MACF1: variants seen among roughly 807,000 people sequenced by gnomAD.
MACF1 encodes the protein microtubule-actin cross-linking factor 1.
A neutral mutation model predicts 854.8 loss-of-function variants in MACF1; 193 were observed. The ratio of observed to expected loss-of-function variants is 0.23; its 90% confidence interval spans 0.20 to 0.25. The LOEUF (loss-of-function observed/expected upper bound fraction) is 0.25. MACF1 is among the 10% of genes least tolerant of loss of function. The pLI is 1.00. For missense variants in MACF1, 7,722 were observed against 8,929.1 expected (o/e 0.86, Z 5.45); for synonymous variants, 3,185 against 3,226.7 (o/e 0.99, Z 0.44).
intron 40 of MACF1, among the ~76,000 whole-genome samples, chr1:39,341,685 C>T (rs1342721181): frequency 6.6e-6 from 1 of 151,652 alleles, no homozygotes; most frequent in Non-Finnish European, 1.5e-5. Flanking sequence ...GCAACAAGAA[C>T]GAAACTCCGT....
intron 99 of MACF1, among the ~76,000 whole-genome samples, chr1:39,482,078 C>A (rs116074914): frequency 9.8e-4 from 149 of 152,288 alleles, no homozygotes; most frequent in African/African-American, 3.5e-3. Context: ...TGTACAAATT[C>A]TCATACAGTT....
intron 6 of MACF1, among the ~76,000 whole-genome samples, chr1:39,273,244 C>T (rs990405522): frequency 1.5e-4 from 23 of 149,328 alleles, no homozygotes; most frequent in African/African-American, 3.7e-4. Flanking sequence ...TCCAGCTATT[C>T]GCCTGCCTCA....
rs552086127 is a variant in MACF1, at chr1:39,370,707, T to C, written c.13095+521T>C. On this transcript the variant is annotated intron_variant, in intron 51 of 100. Coordinates refer to ENST00000564288, the MANE Select transcript of MACF1 (RefSeq NM_001394062.1). Reference sequence around the variant, plus strand: ...TAAAGCATACTTCATCCTGAGCAGATGAAAGAAAAGCGTTTGATTGCTTTC... The same window carrying C: ...TAAAGCATACTTCATCCTGAGCAGACGAAAGAAAAGCGTTTGATTGCTTTC... 3.9e-5 allele frequency among the ~76,000 whole-genome samples: 6 copies of C among 152,324 alleles called. No individual in the cohort carries two copies. In the East Asian group the frequency reaches 1.2e-3, roughly 29 times the overall value.
chr1:39,328,434 A>G (rs1021880692), intron 36 of MACF1: 1 of 152,216 alleles, frequency 6.6e-6, no homozygotes, highest in African/African-American at 2.4e-5. Context: ...GAGCACCACT[A>G]CATTGAGCAT....
At chr1:39,302,804 G>A in intron 22 of MACF1, 120 bp from the exon 23 acceptor site, 1 of 902,528 alleles carries the variant, frequency 1.1e-6, no homozygotes, top group Non-Finnish European at 1.6e-6. Context: ...CTAAGTGATA[G>A]CAGATCTTTT....
chr1:39,297,809 C>T (rs966992596), intron 21 of MACF1, 64 bp downstream of exon 21: 1 of 1,577,748 alleles, frequency 6.3e-7, no homozygotes, highest in Non-Finnish European at 8.6e-7. Flanking sequence ...TCAGCTGCTG[C>T]TGTTTATATC....
At chr1:39,125,907 C>T (rs1040172122) in intron 2 of MACF1, among the ~76,000 whole-genome samples, 33 of 152,276 alleles carry the variant, frequency 2.2e-4, no homozygotes, top group African/African-American at 7.7e-4. Flanking sequence ...GCAGGAGAAT[C>T]GCTTTAACCC....
At chr1:39,167,184 ACTC>A (rs934354936) in intron 2 of MACF1, among the ~76,000 whole-genome samples, 5 of 148,800 alleles carry the variant, frequency 3.4e-5, no homozygotes, top group African/African-American at 9.9e-5. Flanking sequence ...CTTGTCTTGA[ACTC>A]CTGACCTTGG....
At chr1:39,109,918 A>C (rs1489711343) in intron 2 of MACF1, among the ~76,000 whole-genome samples, 1 of 152,184 alleles carries the variant, frequency 6.6e-6, no homozygotes, top group Non-Finnish European at 1.5e-5. Flanking sequence ...ACACACTTTA[A>C]GTGACATACA....
intron 58 of MACF1, among the ~76,000 whole-genome samples, chr1:39,406,690 G>A (rs1642713724): frequency 7.3e-6 from 1 of 137,138 alleles, no homozygotes; most frequent in Non-Finnish European, 1.5e-5. Context: ...AGCCAAGATT[G>A]CGCCACTGCA....
At chr1:39,117,398 G>A (rs974178928) in intron 2 of MACF1, among the ~76,000 whole-genome samples, 4 of 152,086 alleles carry the variant, frequency 2.6e-5, no homozygotes, top group Non-Finnish European at 5.9e-5. Flanking sequence ...TGTGAAGCTG[G>A]ACTCTTATCA....
At chr1:39,364,600 C>T (rs1035443759) in intron 49 of MACF1, among the ~76,000 whole-genome samples, 5 of 151,874 alleles carry the variant, frequency 3.3e-5, no homozygotes, top group African/African-American at 1.2e-4. Flanking sequence ...TCACGCCATT[C>T]TCCTGCCTCA....
rs747579356 is a variant in MACF1 at position 39,332,279 on chromosome 1, T to A, written c.5691T>A (p.Ile1897=). The change falls in exon 37 of 101, where the codon ATT becomes ATA. Residue 1897 remains isoleucine (I), a synonymous_variant. Transcript: ENST00000564288. ...KALFLPATTE[I]LSWKKAIESG... ...TGTTTCTACCAGCAACCACAGAGAT[T>A]TTGTCCTGGAAGAAAGCAATAGAAA... The A allele has an allele frequency of 1.2e-6, 2 of 1,613,896 alleles. No homozygotes were observed. The highest frequency in any genetic ancestry group is 3.3e-5 in the Admixed American group (2 of 60,030).
chr1:39,218,787 G>GT (rs1181685028), intron 1 of MACF1, among the ~76,000 whole-genome samples: 5 of 151,968 alleles, frequency 3.3e-5, no homozygotes, highest in African/African-American at 9.7e-5. Flanking sequence ...GTTTTGTTTT[G>GT]TTTTTTGAGA....
intron 95 of MACF1, chr1:39,467,774 A>T (rs1195950966): frequency 1.3e-5 from 2 of 152,208 alleles, no homozygotes; most frequent in Non-Finnish European, 2.9e-5. Flanking sequence ...GCAATTAGCA[A>T]ATACTTCGGG....
chr1:39,433,967 C>G (rs1643919160), intron 68 of MACF1, among the ~76,000 whole-genome samples: 1 of 152,108 alleles, frequency 6.6e-6, no homozygotes, highest in Admixed American at 6.6e-5. Context: ...GTAATCCCAG[C>G]TACTTGGGAA....
At chr1:39,224,160 GA>G (rs1358795540) in intron 1 of MACF1, among the ~76,000 whole-genome samples, 1 of 152,014 alleles carries the variant, frequency 6.6e-6, no homozygotes. Flanking sequence ...AATTTTTATT[GA>G]AAAGCTATGG....
At chr1:39,086,136 G>A (rs904058957) in intron 2 of MACF1, among the ~76,000 whole-genome samples, 19 of 152,336 alleles carry the variant, frequency 1.2e-4, no homozygotes, top group Middle Eastern at 3.4e-3. Context: ...AGGGCTGCAC[G>A]GGGCCTTGTA....
intron 58 of MACF1, among the ~76,000 whole-genome samples, chr1:39,417,351 A>G (rs1391317690): frequency 1.3e-5 from 2 of 152,198 alleles, no homozygotes; most frequent in Non-Finnish European, 2.9e-5. Flanking sequence ...AAAGGAAGAA[A>G]AAAACCTTTT....
Sources: gnomAD v4.1 joint callset for allele counts (sites outside exome capture counted in the v4.1 genomes callset) on GRCh38, gnomAD v4.1.1 for gene constraint, MANE v1.5 for transcripts, NCBI Gene and HGNC (gene_info 2026-07-23, HGNC 2026-07-21) for gene names.